Variants in MED27 observed in about 807,000 individuals in gnomAD.
MED27 encodes the protein mediator complex subunit 27.
In MED27, 30 loss-of-function variants were observed where a neutral mutation model predicts 38.2. The observed-to-expected ratio is 0.79, with a 90% CI of 0.59 to 1.07. The LOEUF is 1.07. Ranked by LOEUF, MED27 falls within the 50% of genes least tolerant of loss-of-function variation. The pLI is 0.00. For synonymous variants in MED27, 122 were observed against 153.5 expected, an observed-to-expected ratio of 0.79 and a Z score of 1.52; for missense variants, 289 against 397.5, an observed-to-expected ratio of 0.73 and a Z score of 2.32.
intron 2 of MED27, among the ~76,000 whole-genome samples, chr9:132,036,634 C>A (rs1341905266): frequency 6.6e-6 from 1 of 152,166 alleles, no homozygotes; most frequent in African/African-American, 2.4e-5. Flanking sequence ...GTGATTTAAC[C>A]TCTCTTTATC....
chr9:132,019,856 T>C (rs959867598), intron 2 of MED27, among the ~76,000 whole-genome samples: 2 of 152,204 alleles, frequency 1.3e-5, no homozygotes, highest in Non-Finnish European at 2.9e-5. Flanking sequence ...GGCAGCCACG[T>C]TCCCATCACC....
intron 3 of MED27, among the ~76,000 whole-genome samples, chr9:132,011,622 A>G (rs1158873707): frequency 6.6e-6 from 1 of 152,198 alleles, no homozygotes; most frequent in Non-Finnish European, 1.5e-5. Context: ...AGCTGTGATC[A>G]TACCACTGCA....
intron 6 of MED27, among the ~76,000 whole-genome samples, chr9:131,877,564 G>A (rs1416681056): frequency 6.6e-6 from 1 of 151,876 alleles, no homozygotes; most frequent in Non-Finnish European, 1.5e-5. Context: ...CGACAGAGTG[G>A]GACCCCGTCT....
At chr9:131,884,605 C>CT (rs11331082) in intron 5 of MED27, among the ~76,000 whole-genome samples, 2,506 of 122,658 alleles carry the variant, frequency 0.02, 108 homozygotes, top group African/African-American at 0.06. Context: ...ATTCTCTTTA[C>CT]TTTTTTTTTT....
intron 6 of MED27, among the ~76,000 whole-genome samples, chr9:131,867,837 G>A (rs190860135): frequency 6.6e-6 from 1 of 152,368 alleles, no homozygotes; most frequent in Admixed American, 6.5e-5. Context: ...TCATCTAGGA[G>A]CTCGGGGAGG....
At chr9:131,944,466 TC>T (rs1292394283) in intron 3 of MED27, among the ~76,000 whole-genome samples, 1 of 151,622 alleles carries the variant, frequency 6.6e-6, no homozygotes, top group Non-Finnish European at 1.5e-5. Flanking sequence ...CTTTCTGGGG[TC>T]CATGAATGGA....
At chr9:132,040,668 G>A (rs1281033252) in intron 2 of MED27, among the ~76,000 whole-genome samples, 2 of 152,198 alleles carry the variant, frequency 1.3e-5, no homozygotes, top group Non-Finnish European at 2.9e-5. Context: ...AGGACATGAA[G>A]GTCCCAGCAA....
chr9:131,916,271 G>A lies in MED27; in HGVS notation c.574-22279C>T, dbSNP rs1830286392. Among the ~76,000 whole-genome samples, 2 of 152,178 alleles carry A rather than the reference G, an allele frequency of 1.3e-5. 1 individual carries two copies. Among genetic ancestry groups the A allele is most frequent in the South Asian group, 4.1e-4 (2 of 4,824 alleles). On this transcript the variant is annotated intron_variant, in intron 4 of 7. Coordinates refer to ENST00000292035, the MANE Select transcript of MED27 (RefSeq NM_004269.4). ...TTGAAGATTTAATATAGCCCTGGAA[G>A]GTTTCAATTATTTACACGCTTGGTC... is the stretch of plus-strand genomic sequence containing the variant.
chr9:131,982,801 G>C lies in MED27; in HGVS notation c.479+31536C>G, dbSNP rs1422357204. 6.6e-6 allele frequency among the ~76,000 whole-genome samples: 1 copy of C among 152,152 alleles called. No homozygotes were observed. The highest frequency in any genetic ancestry group is 1.5e-5 in the Non-Finnish European group (1 of 68,028). ...GCCTGACCTCTGTGCATCTCCAACT[G>C]TAGTACAAAAGCAGCCATATGTAAT... On this transcript the variant is annotated intron_variant, in intron 3 of 7. Coordinates refer to ENST00000292035, the MANE Select transcript of MED27 (RefSeq NM_004269.4). This position sits in a 1 kb window ranked among gnomAD's most constrained non-coding sequence, Gnocchi z 4.3.
In MED27 at chr9:131,933,326, G is replaced by A. The variant is rs566475063; in HGVS notation, c.573+6055C>T. 2.6e-5 allele frequency among the ~76,000 whole-genome samples: 4 copies of A among 152,210 alleles called. No homozygotes were observed. The East Asian group carries it at 5.8e-4, about 22-fold the overall frequency. ...AAAGGAAGAGGGTCAAATTATCCTTGTTAGCAGATGATCCGATCTTATATT... is the reference window on the plus strand; with the variant it reads ...AAAGGAAGAGGGTCAAATTATCCTTATTAGCAGATGATCCGATCTTATATT... On this transcript the variant is annotated intron_variant, in intron 4 of 7. Transcript: ENST00000292035.
At chr9:131,868,496 C>T in intron 6 of MED27, 7 of 870,504 alleles carry the variant, frequency 8.0e-6, no homozygotes, top group Non-Finnish European at 9.7e-6. Context: ...AGGCTGGTTT[C>T]CAACTCCTGG....
chr9:131,939,976 G>A (rs1347939234), intron 3 of MED27, among the ~76,000 whole-genome samples: 2 of 147,720 alleles, frequency 1.4e-5, no homozygotes, highest in Admixed American at 6.8e-5. Flanking sequence ...GCGTGATCTC[G>A]GCTCACTGCA....
chr9:132,014,796 A>C (rs1455002676), intron 2 of MED27, among the ~76,000 whole-genome samples: 1 of 152,224 alleles, frequency 6.6e-6, no homozygotes, highest in Non-Finnish European at 1.5e-5. Flanking sequence ...TAAAAGAAAA[A>C]AGGTTCCATT....
rs138291605 is a variant in MED27 at position 132,070,359 on chromosome 9, C to A, written c.348+7083G>T. Among the ~76,000 whole-genome samples the A allele has an allele frequency of 5.9e-5, 9 of 152,310 alleles. 1 individual carries two copies. The South Asian group carries it at 1.9e-3, about 32-fold the overall frequency. On this transcript the variant is annotated intron_variant, in intron 2 of 7. Coordinates refer to ENST00000292035, the MANE Select transcript of MED27 (RefSeq NM_004269.4). ...TGGCTTGAACCTAGGAGTTTGAAAC[C>A]AGCCTGGGCGACATAGTGAGACCCC...
At chr9:131,879,799 G>A (rs755312243) in intron 6 of MED27, among the ~76,000 whole-genome samples, 53 of 152,194 alleles carry the variant, frequency 3.5e-4, no homozygotes, top group Middle Eastern at 3.2e-3. Context: ...CCCAAACAGC[G>A]TCTTTCTGGG....
chr9:132,014,195 T>TG, intron 3 of MED27, 142 bp downstream of exon 3: 5 of 900,768 alleles, frequency 5.6e-6, no homozygotes, highest in Non-Finnish European at 8.2e-6. Context: ...CCAGCCAGGG[T>TG]GAAAAAGTAA....
intron 6 of MED27, chr9:131,869,241 G>A: frequency 1.0e-6 from 1 of 985,388 alleles, no homozygotes; most frequent in Non-Finnish European, 1.2e-6. Context: ...AATTCCTCTG[G>A]GTGGCTGTGG....
intron 3 of MED27, among the ~76,000 whole-genome samples, chr9:132,010,049 G>A (rs907651751): frequency 2.0e-5 from 3 of 152,170 alleles, no homozygotes; most frequent in Admixed American, 6.5e-5. Flanking sequence ...TTCTTTTGCT[G>A]TGCAGAAGCT....
intron 4 of MED27, among the ~76,000 whole-genome samples, chr9:131,899,372 T>C (rs1708184043): frequency 1.3e-5 from 2 of 152,132 alleles, no homozygotes; most frequent in Admixed American, 6.5e-5. Context: ...GAGCAGAAAG[T>C]GCCTGCAAGC....
Sources: allele counts gnomAD v4.1 joint callset (sites outside exome capture counted in the v4.1 genomes callset), GRCh38; gene constraint gnomAD v4.1.1; non-coding constraint Gnocchi (gnomAD v3.1); transcripts MANE v1.5; gene names NCBI Gene and HGNC (gene_info 2026-07-23, HGNC 2026-07-21).